The following NXN variants were observed in gnomAD, a reference collection of about 807,000 sequenced individuals.
NXN encodes the protein nucleoredoxin 1.
A neutral mutation model predicts 48.6 loss-of-function variants in NXN; 16 were observed. The observed-to-expected ratio is 0.33, with a 90% CI of 0.22 to 0.50. The LOEUF is 0.50. NXN is among the 20% of genes least tolerant of loss of function. The pLI, the probability that NXN is intolerant of heterozygous loss-of-function variation, is 0.98. For synonymous variants in NXN, 281 were observed against 269.6 expected, an observed-to-expected ratio of 1.04 and a Z score of -0.41; for missense variants, 492 against 605.5, an observed-to-expected ratio of 0.81 and a Z score of 1.97.
chr17:979,622 C>G lies in NXN; in HGVS notation c.57G>C (p.Glu19Asp). The G allele has an allele frequency of 1.4e-6, 2 of 1,466,638 alleles. No individual in the cohort carries two copies. Among genetic ancestry groups the G allele is most frequent in the East Asian group, 2.9e-5 (1 of 34,750 alleles). The allele number at this position is 1,466,638 out of a possible 1,614,324, so 90.9% of individuals were successfully genotyped here. A position where few individuals can be genotyped will look rare whatever the true frequency, so the allele number is the denominator to read the frequency against. Residue 19 changes from glutamate (E) to aspartate (D), a missense_variant, in exon 1 of 8, where the codon GAG (glutamate) becomes GAC (aspartate). Around this residue, in one of 3 missense-constraint regions of NXN, gnomAD observed 186 missense variants for 199.1 expected, o/e 0.93. Coordinates refer to ENST00000336868, the MANE Select transcript of NXN (RefSeq NM_022463.5). ...CGCCCAGCGAGTGCACGTCCACCTC[C>G]TCGCCGCCGCCCGTCACCAGCTTCT... The part of the protein sequence containing the change: ...LGEKLVTGGG[E>D]EVDVHSLGAR...
chr17:955,768 G>A (rs1336144139), intron 1 of NXN, among the ~76,000 whole-genome samples: 14 of 152,082 alleles, frequency 9.2e-5, no homozygotes, highest in African/African-American at 2.2e-4. Flanking sequence ...CGGGCGTGGT[G>A]GCGGGCGCCT....
At chr17:818,958 A>AT (rs34778493) in intron 5 of NXN, among the ~76,000 whole-genome samples, 2 of 151,726 alleles carry the variant, frequency 1.3e-5, no homozygotes, top group Middle Eastern at 3.4e-3. Context: ...TAGTAGTAGT[A>AT]TTTTTTGAGA....
At chr17:854,225 G>T (rs1170448186) in intron 1 of NXN, among the ~76,000 whole-genome samples, 1 of 152,260 alleles carries the variant, frequency 6.6e-6, no homozygotes, top group South Asian at 2.1e-4. Flanking sequence ...CACCGTACTC[G>T]CTCTTCTCAC....
chr17:893,263 G>C (rs1026134301), intron 1 of NXN, among the ~76,000 whole-genome samples: 1 of 152,182 alleles, frequency 6.6e-6, no homozygotes, highest in Admixed American at 6.6e-5. Flanking sequence ...TTCTGAGTGC[G>C]CATGGGTTGT....
intron 5 of NXN, among the ~76,000 whole-genome samples, chr17:814,514 T>C (rs1269641472): frequency 6.6e-6 from 1 of 152,124 alleles, no homozygotes; most frequent in Non-Finnish European, 1.5e-5. Flanking sequence ...GCAGCTCCAC[T>C]CTAAGTGACA....
In NXN at chr17:896,618, T is replaced by C. The variant is rs150453663; in HGVS notation, c.361-70540A>G. Among the ~76,000 whole-genome samples, 28 of 152,390 alleles carry C rather than the reference T, an allele frequency of 1.8e-4. No homozygotes were observed. The East Asian group carries it at 3.9e-3, about 21-fold the overall frequency. On this transcript the variant is annotated intron_variant, in intron 1 of 7. Coordinates refer to ENST00000336868, the MANE Select transcript of NXN (RefSeq NM_022463.5). ...TAACTATCGTCTTCGTGTTTCAACTTCGCTTTAAAGTAAAATATAAACATT... is the reference window on the plus strand; with the variant it reads ...TAACTATCGTCTTCGTGTTTCAACTCCGCTTTAAAGTAAAATATAAACATT...
rs115797287 is a variant in NXN, at chr17:919,811, T to C, written c.360+59508A>G. On this transcript the variant is annotated intron_variant, in intron 1 of 7. Transcript: ENST00000336868. This position sits in a 1 kb window ranked among gnomAD's most constrained non-coding sequence, Gnocchi z 5.1. Reference sequence around the variant, plus strand: ...CAGGAAACGCTCTCCCTTCCATCATTCAATCTTGGCGGACCACACTGGTAT... The same window carrying C: ...CAGGAAACGCTCTCCCTTCCATCATCCAATCTTGGCGGACCACACTGGTAT... Among the ~76,000 whole-genome samples, 50 of 152,162 alleles carry C rather than the reference T, an allele frequency of 3.3e-4. No individual in the cohort carries two copies. The highest frequency in any genetic ancestry group is 1.1e-3 in the African/African-American group (47 of 41,520).
intron 1 of NXN, among the ~76,000 whole-genome samples, chr17:842,800 G>A (rs550689296): frequency 3.3e-5 from 5 of 152,272 alleles, no homozygotes; most frequent in South Asian, 2.1e-4. Context: ...TTAGCTGGGC[G>A]TGGTTGCACA....
chr17:921,700 TGGCCGGCCC>T (rs2068752054), intron 1 of NXN, among the ~76,000 whole-genome samples: 1 of 149,842 alleles, frequency 6.7e-6, no homozygotes, highest in Non-Finnish European at 1.5e-5. Flanking sequence ...GGACAACACC[TGGCCGGCCC>T]AGGCTCTCAT....
rs1024368889 is a variant in NXN at position 830,515 on chromosome 17, G to T, written c.361-4437C>A. Among the ~76,000 whole-genome samples, 2 of 152,144 alleles carry T rather than the reference G, an allele frequency of 1.3e-5. No homozygotes were observed. Among genetic ancestry groups the T allele is most frequent in the African/African-American group, 4.8e-5 (2 of 41,430 alleles). ...GGAACAAGCCACAGGCACGCCGCGG[G>T]AGGCCACCTGAGGCCCAAGAGCCCG... is the stretch of plus-strand genomic sequence containing the variant. On this transcript the variant is annotated intron_variant, in intron 1 of 7. Transcript: ENST00000336868. This position sits in a 1 kb window ranked among gnomAD's most constrained non-coding sequence, Gnocchi z 4.2.
chr17:958,641 TGCGC>T lies in NXN; in HGVS notation c.360+20674_360+20677del, dbSNP rs2069198887. 6.6e-6 allele frequency among the ~76,000 whole-genome samples: 1 copy of T among 151,856 alleles called. No homozygotes were observed. Among genetic ancestry groups the T allele is most frequent in the Non-Finnish European group, 1.5e-5 (1 of 67,984 alleles). On this transcript the variant is annotated intron_variant, in intron 1 of 7. Transcript: ENST00000336868. The surrounding 1 kb of genome is among the most constrained non-coding windows in gnomAD (Gnocchi z 6.9). ...CAAAAATTAGCCAGGCGTGGTGGCGTGCGCCTGTAGTCCCAGCTACTCAGGAGGC... is the reference window on the plus strand; with the variant it reads ...CAAAAATTAGCCAGGCGTGGTGGCGTCTGTAGTCCCAGCTACTCAGGAGGC...
In NXN at chr17:895,629, G is replaced by A. The variant is rs550030513; in HGVS notation, c.361-69551C>T. ...AGATCAAGACCATCCTGGCTAACAC[G>A]GTGAAACCCCGTCTCTACTTAAAAT... On this transcript the variant is annotated intron_variant, in intron 1 of 7. Coordinates refer to ENST00000336868, the MANE Select transcript of NXN (RefSeq NM_022463.5). 1.3e-3 allele frequency among the ~76,000 whole-genome samples: 177 copies of A among 139,628 alleles called. 2 individuals carry two copies. The Middle Eastern group carries it at 0.019, about 15-fold the overall frequency. 91.6% of individuals were successfully genotyped at this position (139,628 alleles called of 152,430 possible). A position where few individuals can be genotyped will look rare whatever the true frequency, so the allele number is the denominator to read the frequency against.
chr17:960,640 G>A (rs1597279209), intron 1 of NXN, among the ~76,000 whole-genome samples: 1 of 152,212 alleles, frequency 6.6e-6, no homozygotes, highest in Non-Finnish European at 1.5e-5. Context: ...ACCATGCCTG[G>A]CTAATCATTT....
chr17:834,477 C>A (rs984027420), intron 1 of NXN, among the ~76,000 whole-genome samples: 1 of 151,910 alleles, frequency 6.6e-6, no homozygotes, highest in Admixed American at 6.6e-5. Flanking sequence ...TGCAATGGTG[C>A]GATCTCAGCT....
In NXN at chr17:854,633, C is replaced by T. The variant is rs186014057; in HGVS notation, c.361-28555G>A. 3.4e-3 allele frequency among the ~76,000 whole-genome samples: 462 copies of T among 134,290 alleles called. 4 individuals are homozygous for T. The highest frequency in any genetic ancestry group is 0.013 in the African/African-American group (439 of 35,006). 88.1% of individuals were successfully genotyped at this position (134,290 alleles called of 152,430 possible). On this transcript the variant is annotated intron_variant, in intron 1 of 7. Coordinates refer to ENST00000336868, the MANE Select transcript of NXN (RefSeq NM_022463.5). ...TTGCACCACTGCACTCCAGCCTGGG[C>T]GACAGAGCGAGACTCTGTCTCAAAA...
intron 5 of NXN, among the ~76,000 whole-genome samples, chr17:808,651 A>G (rs1431485592): frequency 1.3e-5 from 2 of 149,994 alleles, no homozygotes; most frequent in African/African-American, 4.9e-5. Context: ...AGTATTCTAT[A>G]AGTATTGGCT....
intron 1 of NXN, among the ~76,000 whole-genome samples, chr17:901,663 C>A (rs1400212733): frequency 6.6e-6 from 1 of 152,182 alleles, no homozygotes; most frequent in Non-Finnish European, 1.5e-5. Context: ...AACACTCAGC[C>A]TGAAAGTCTC....
chr17:915,080 A>T (rs369362913), intron 1 of NXN, among the ~76,000 whole-genome samples: 1 of 149,664 alleles, frequency 6.7e-6, no homozygotes, highest in Non-Finnish European at 1.5e-5. Context: ...GAATACAGGC[A>T]CCCGCCACAA....
At chr17:810,041 G>A (rs1394767254) in intron 5 of NXN, among the ~76,000 whole-genome samples, 1 of 132,630 alleles carries the variant, frequency 7.5e-6, no homozygotes, top group Non-Finnish European at 1.7e-5. Context: ...GTCCGTGTGA[G>A]TGGCGTGCAC....
Sources: allele counts gnomAD v4.1 joint callset (sites outside exome capture counted in the v4.1 genomes callset), GRCh38; gene constraint gnomAD v4.1.1; regional missense constraint gnomAD v4.1.1; non-coding constraint Gnocchi (gnomAD v3.1); transcripts MANE v1.5; gene names NCBI Gene and HGNC (gene_info 2026-07-23, HGNC 2026-07-21).